Variants in MAMLD1 observed in about 807,000 individuals in gnomAD.
The protein encoded by MAMLD1 is mastermind-like domain-containing protein 1.
MAMLD1 carries 14 observed loss-of-function variants against 45.0 expected under a neutral mutation model. The observed-to-expected ratio is 0.31, with a 90% CI of 0.21 to 0.49. The LOEUF (loss-of-function observed/expected upper bound fraction) is 0.49. MAMLD1 is among the 20% of genes least tolerant of loss of function. The pLI is 0.99. For missense variants in MAMLD1, 543 were observed against 603.6 expected (o/e 0.90, Z 1.05); for synonymous variants, 254 against 247.8 (o/e 1.02, Z -0.24).
chrX:150,393,509 A>T (rs1210912656), intron 1 of MAMLD1, among the ~76,000 whole-genome samples: 1 of 112,289 alleles, frequency 8.9e-6, no homozygotes, highest in African/African-American at 3.2e-5. Context: ...TTCGTTTTGT[A>T]AGAATGCCAA....
intron 5 of MAMLD1, among the ~76,000 whole-genome samples, chrX:150,481,978 AAG>A (rs1282423062): frequency 1.1e-5 from 1 of 90,432 alleles, no homozygotes; most frequent in Non-Finnish European, 2.1e-5. Context: ...GAAAGAAAGA[AAG>A]AAAGAAAGAA....
intron 1 of MAMLD1, among the ~76,000 whole-genome samples, chrX:150,394,412 T>A (rs1557402238): frequency 9.0e-6 from 1 of 110,507 alleles, no homozygotes; most frequent in African/African-American, 3.3e-5. Context: ...GTCAATATTT[T>A]ACTAACTATT....
chrX:150,509,689 T>G, intron 6 of MAMLD1: 1 of 364,998 alleles, frequency 2.7e-6, no homozygotes, highest in Non-Finnish European at 4.8e-6. Flanking sequence ...GCCTAAAACT[T>G]TTTTCTGTGT....
intron 5 of MAMLD1, among the ~76,000 whole-genome samples, chrX:150,484,925 G>A (rs1013551239): frequency 9.0e-6 from 1 of 111,392 alleles, no homozygotes; most frequent in Admixed American, 9.5e-5. Context: ...GAAGACAACT[G>A]TGATGTTCCC....
intron 1 of MAMLD1, among the ~76,000 whole-genome samples, chrX:150,390,065 C>CTGTTTT (rs1234486162): frequency 1.8e-5 from 2 of 111,359 alleles, no homozygotes; most frequent in Admixed American, 9.5e-5. Context: ...GTTTGTTTGT[C>CTGTTTT]TGTTTTTGTT....
At chrX:150,390,857 C>G (rs2033146155) in intron 1 of MAMLD1, among the ~76,000 whole-genome samples, 1 of 112,244 alleles carries the variant, frequency 8.9e-6, no homozygotes, top group Non-Finnish European at 1.9e-5. Context: ...GGATTCTTAG[C>G]AACAACATCT....
At chrX:150,403,728 C>T (rs1430054891) in intron 1 of MAMLD1, among the ~76,000 whole-genome samples, 6 of 106,812 alleles carry the variant, frequency 5.6e-5, no homozygotes, top group East Asian at 2.9e-4. Context: ...TCGCTTGAAC[C>T]GAGGAGTCTG....
intron 1 of MAMLD1, among the ~76,000 whole-genome samples, chrX:150,365,920 G>GC (rs1557400712): frequency 1.8e-5 from 2 of 112,509 alleles, no homozygotes; most frequent in Non-Finnish European, 1.9e-5. Context: ...CCTTATAACT[G>GC]CCCCCCTAAA....
intron 2 of MAMLD1, among the ~76,000 whole-genome samples, chrX:150,451,014 C>CT (rs2035647083): frequency 2.7e-5 from 3 of 112,843 alleles, no homozygotes; most frequent in South Asian, 3.6e-4. Context: ...TCACACAGAC[C>CT]TTTTTTTGCA....
intron 1 of MAMLD1, among the ~76,000 whole-genome samples, chrX:150,397,413 AG>A (rs1384638046): frequency 2.7e-5 from 3 of 112,015 alleles, no homozygotes; most frequent in African/African-American, 9.7e-5. Context: ...GGAGTGTTTT[AG>A]AATGTCCTTT....
intron 5 of MAMLD1, among the ~76,000 whole-genome samples, chrX:150,480,775 G>C (rs1488080348): frequency 8.9e-6 from 1 of 112,135 alleles, no homozygotes; most frequent in Non-Finnish European, 1.9e-5. Context: ...AATAAAAGTG[G>C]GTGCTCCAGG....
chrX:150,477,084 G>A (rs1324263288), intron 5 of MAMLD1, among the ~76,000 whole-genome samples: 1 of 113,482 alleles, frequency 8.8e-6, no homozygotes, highest in Non-Finnish European at 1.9e-5. Flanking sequence ...GCAGGGGACA[G>A]GCCCTGGGGC....
chrX:150,441,713 T>A (rs1324942618), intron 1 of MAMLD1, among the ~76,000 whole-genome samples: 1 of 111,799 alleles, frequency 8.9e-6, no homozygotes, highest in Non-Finnish European at 1.9e-5. Context: ...AATATGTCTA[T>A]ATTGGTATAT....
At chrX:150,371,187 T>C (rs2031960846) in intron 1 of MAMLD1, among the ~76,000 whole-genome samples, 1 of 111,383 alleles carries the variant, frequency 9.0e-6, no homozygotes, top group South Asian at 3.8e-4. Context: ...CCCCATTTCC[T>C]TGGTGGGCAG....
intron 1 of MAMLD1, among the ~76,000 whole-genome samples, chrX:150,393,517 C>T (rs1557402208): frequency 1.8e-5 from 2 of 112,120 alleles, no homozygotes. Flanking sequence ...GTAAGAATGC[C>T]AAACTGTTTT....
At chrX:150,491,754 T>A (rs1238583218) in intron 5 of MAMLD1, among the ~76,000 whole-genome samples, 1 of 111,515 alleles carries the variant, frequency 9.0e-6, no homozygotes, top group Non-Finnish European at 1.9e-5. Context: ...CAGTGATAGC[T>A]CTTGCCTCCT....
At chrX:150,370,476 G>C (rs1423711207) in intron 1 of MAMLD1, among the ~76,000 whole-genome samples, 1 of 111,969 alleles carries the variant, frequency 8.9e-6, no homozygotes, top group Admixed American at 9.4e-5. Context: ...AGGCCCCATG[G>C]AGCTGTCAGG....
At chrX:150,461,787 G>A (rs145649483) in intron 2 of MAMLD1, among the ~76,000 whole-genome samples, 1,288 of 111,998 alleles carry the variant, frequency 0.012, 12 homozygotes, top group African/African-American at 0.039. Flanking sequence ...TGACCTGGAC[G>A]ATCCATGTTA....
intron 1 of MAMLD1, among the ~76,000 whole-genome samples, chrX:150,374,218 C>A (rs1264087648): frequency 4.4e-5 from 5 of 112,799 alleles, no homozygotes; most frequent in Admixed American, 9.3e-5. Flanking sequence ...AGGCCTTAAG[C>A]CCACTCATGG....
Sources: allele counts gnomAD v4.1 joint callset (sites outside exome capture counted in the v4.1 genomes callset), GRCh38; gene constraint gnomAD v4.1.1; transcripts MANE v1.5; gene names NCBI Gene and HGNC (gene_info 2026-07-23, HGNC 2026-07-21).